Variants in MARCHF8 observed in about 807,000 individuals in gnomAD.
MARCHF8 encodes membrane associated ring-CH-type finger 8.
MARCHF8 carries 40 observed loss-of-function variants against 51.6 expected under a neutral mutation model. The ratio of observed to expected loss-of-function variants is 0.77; its 90% CI spans 0.60 to 1.01. The LOEUF (loss-of-function observed/expected upper bound fraction) is 1.01, where lower values mean the gene tolerates loss of function less well. Ranked by LOEUF, MARCHF8 falls within the 50% of genes least tolerant of loss-of-function variation. MARCHF8 has a pLI of 0.00. For missense variants in MARCHF8, 685 were observed against 708.6 expected, an observed-to-expected ratio of 0.97 and a Z score of 0.38; for synonymous variants, 263 against 280.3, an observed-to-expected ratio of 0.94 and a Z score of 0.62.
At chr10:45,501,261 T>A (rs1223372821) in intron 2 of MARCHF8, among the ~76,000 whole-genome samples, 1 of 151,932 alleles carries the variant, frequency 6.6e-6, no homozygotes, top group Non-Finnish European at 1.5e-5. Flanking sequence ...GAGAAATCCA[T>A]CCATCCAATT....
rs35226792 is a variant in MARCHF8 at position 45,546,781 on chromosome 10, C to CAA, written c.-78-13494_-78-13493dup. On this transcript the variant is annotated intron_variant, in intron 1 of 6. Transcript: ENST00000319836. ...TGGGTGACAGGAGGAGAACCTGTCTCAAAAAAAAAAAAAAAGTTAACTACC... is the reference window on the plus strand; with the variant it reads ...TGGGTGACAGGAGGAGAACCTGTCTCAAAAAAAAAAAAAAAAAGTTAACTACC... 5.7e-4 allele frequency among the ~76,000 whole-genome samples: 64 copies of CAA among 112,644 alleles called. 1 individual carries two copies. The South Asian group carries it at 8.5e-3, about 15-fold the overall frequency. The allele number at this position is 112,644 out of a possible 152,430, so 73.9% of individuals were successfully genotyped here. A position where few individuals can be genotyped will look rare whatever the true frequency, so the allele number is the denominator to read the frequency against.
At chr10:45,505,031 G>A (rs564806748) in intron 2 of MARCHF8, among the ~76,000 whole-genome samples, 7 of 152,154 alleles carry the variant, frequency 4.6e-5, no homozygotes, top group African/African-American at 1.7e-4. Flanking sequence ...ATACAATTAA[G>A]CACTTATGCC....
intron 2 of MARCHF8, among the ~76,000 whole-genome samples, chr10:45,529,979 C>A (rs898677249): frequency 1.3e-5 from 2 of 152,192 alleles, no homozygotes; most frequent in South Asian, 4.1e-4. Context: ...AAAAAGATAC[C>A]TGTACTCAAA....
At chr10:45,553,205 C>G (rs2133343953) in intron 1 of MARCHF8, 1 of 152,064 alleles carries the variant, frequency 6.6e-6, no homozygotes, top group South Asian at 2.1e-4. Context: ...GACCCCATCT[C>G]TACAAAAAAA....
At chr10:45,501,222 A>G (rs1270757814) in intron 2 of MARCHF8, among the ~76,000 whole-genome samples, 1 of 152,052 alleles carries the variant, frequency 6.6e-6, no homozygotes, top group Admixed American at 6.6e-5. Flanking sequence ...AAACAATCCT[A>G]AAGAATCCTA....
chr10:45,460,983 C>T lies in MARCHF8; in HGVS notation c.1269+248G>A, dbSNP rs188660993. On this transcript the variant is annotated intron_variant, in intron 6 of 7. Transcript: ENST00000453424. ...TAGTCAAAGGCCAGAGGACTGACAC[C>T]GACAAGCAAGCAGTCTTACTTTGAA... 4.3e-5 allele frequency: 16 copies of T among 368,036 alleles called. No individual in the cohort carries two copies. The Admixed American group carries it at 4.7e-4, about 11-fold the overall frequency. 22.8% of individuals were successfully genotyped at this position (368,036 alleles called of 1,614,324 possible).
At chr10:45,510,195 G>A (rs1326646638) in intron 2 of MARCHF8, among the ~76,000 whole-genome samples, 2 of 152,146 alleles carry the variant, frequency 1.3e-5, no homozygotes. Flanking sequence ...GCCAGCAAGA[G>A]AGGCCACACC....
chr10:45,486,712 T>G (rs2042985810), intron 3 of MARCHF8, among the ~76,000 whole-genome samples: 2 of 152,118 alleles, frequency 1.3e-5, no homozygotes, highest in Non-Finnish European at 2.9e-5. Context: ...TCAGGTTTGT[T>G]GGCTCAGTGT....
intron 1 of MARCHF8, among the ~76,000 whole-genome samples, chr10:45,584,800 TGA>T: frequency 6.6e-6 from 1 of 152,098 alleles, no homozygotes; most frequent in Non-Finnish European, 1.5e-5. Flanking sequence ...ATTCAAAGCA[TGA>T]GAGAGATTCA....
upstream of MARCHF8, among the ~76,000 whole-genome samples, chr10:45,536,883 A>AAT (rs1554817163): frequency 7.1e-4 from 92 of 129,334 alleles, no homozygotes; most frequent in Middle Eastern, 4.5e-3. Context: ...ATAATAATAA[A>AAT]GACAAATAAC....
intron 1 of MARCHF8, among the ~76,000 whole-genome samples, chr10:45,562,300 C>G (rs1216941788): frequency 6.6e-6 from 1 of 152,194 alleles, no homozygotes; most frequent in Non-Finnish European, 1.5e-5. Context: ...AGAAGCACAA[C>G]ATACACCTAC....
At chr10:45,509,536 G>C (rs767732700) in intron 2 of MARCHF8, among the ~76,000 whole-genome samples, 2 of 152,118 alleles carry the variant, frequency 1.3e-5, no homozygotes, top group Non-Finnish European at 2.9e-5. Flanking sequence ...TTTTTACTAG[G>C]ACATAAGTGG....
intron 2 of MARCHF8, among the ~76,000 whole-genome samples, chr10:45,514,805 T>C (rs555637452): frequency 6.6e-6 from 1 of 152,288 alleles, no homozygotes; most frequent in Non-Finnish European, 1.5e-5. Flanking sequence ...TTTTTTTTAA[T>C]GTAGAAAAGC....
At chr10:45,541,687 C>T (rs532114609) in intron 1 of MARCHF8, among the ~76,000 whole-genome samples, 8 of 151,330 alleles carry the variant, frequency 5.3e-5, no homozygotes, top group Non-Finnish European at 1.0e-4. Context: ...AATTTCAACA[C>T]GGACAATGGT....
chr10:45,539,858 A>T (rs1353977387), upstream of MARCHF8, among the ~76,000 whole-genome samples: 1 of 152,242 alleles, frequency 6.6e-6, no homozygotes, highest in African/African-American at 2.4e-5. Flanking sequence ...GCAAAGTCTC[A>T]GGATACAAAA....
intron 3 of MARCHF8, among the ~76,000 whole-genome samples, chr10:45,487,569 T>C (rs1237638232): frequency 1.3e-5 from 2 of 152,216 alleles, no homozygotes; most frequent in Non-Finnish European, 2.9e-5. Context: ...GGTTTACCAC[T>C]GCATAGTTCT....
At chr10:45,523,935 T>A (rs1210413899) in intron 2 of MARCHF8, among the ~76,000 whole-genome samples, 1 of 152,186 alleles carries the variant, frequency 6.6e-6, no homozygotes, top group East Asian at 1.9e-4. Context: ...CAGCAAACCA[T>A]TACCAGTTCT....
chr10:45,505,116 A>G lies in MARCHF8; in HGVS notation c.103-15699T>C, dbSNP rs532201435. On this transcript the variant is annotated intron_variant, in intron 2 of 7. Transcript: ENST00000453424. ...TAATCCAGCTACTCCTGAATAAGAA[A>G]GAAGGATTGCCTACTTCACAGCACA... 1.8e-4 allele frequency among the ~76,000 whole-genome samples: 28 copies of G among 152,350 alleles called. No individual in the cohort carries two copies. In the South Asian group the frequency reaches 5.8e-3, roughly 32 times the overall value.
intron 2 of MARCHF8, among the ~76,000 whole-genome samples, chr10:45,512,786 G>A (rs923528492): frequency 8.5e-5 from 13 of 152,164 alleles, no homozygotes; most frequent in African/African-American, 3.1e-4. Flanking sequence ...ATAGAAAGGG[G>A]GGAAAGGTGG....
Sources: allele counts gnomAD v4.1 joint callset (sites outside exome capture counted in the v4.1 genomes callset), GRCh38; gene constraint gnomAD v4.1.1; transcripts MANE v1.5; gene names NCBI Gene and HGNC (gene_info 2026-07-23, HGNC 2026-07-21).